Variants in NWD2 observed in about 807,000 individuals in gnomAD.
The protein encoded by NWD2 is NACHT and WD repeat domain containing 2.
In NWD2, 37 loss-of-function variants were observed where a neutral mutation model predicts 132.7. The observed-to-expected ratio is 0.28, with a 90% CI of 0.21 to 0.37. The LOEUF is 0.37. Among genes scored for constraint, NWD2 ranks in the 10% least tolerant of loss-of-function variants. The pLI is 1.00. For missense variants in NWD2, 1,592 were observed against 2,122.4 expected, an observed-to-expected ratio of 0.75 and a Z score of 4.91; for synonymous variants, 705 against 803.0, an observed-to-expected ratio of 0.88 and a Z score of 2.06.
Position 37,447,394 on chromosome 4 carries a change from T to C in NWD2, c.*177T>C. 1 of 591,548 alleles carries C rather than the reference T, an allele frequency of 1.7e-6. No individual in the cohort carries two copies. Among genetic ancestry groups the C allele is most frequent in the Non-Finnish European group, 3.0e-6 (1 of 336,606 alleles). 36.6% of individuals were successfully genotyped at this position (591,548 alleles called of 1,614,324 possible). ...GTTAGTCTTGGGTGTGGTCTTTTTG[T>C]CAAAGTGTATCCAGAATGTCAGAAT... On this transcript the variant is annotated 3_prime_UTR_variant, in exon 7 of 7. Coordinates refer to ENST00000309447, the MANE Select transcript of NWD2 (RefSeq NM_001144990.2).
intron 2 of NWD2, among the ~76,000 whole-genome samples, chr4:37,350,595 G>T (rs978945183): frequency 2.6e-5 from 4 of 152,150 alleles, no homozygotes; most frequent in African/African-American, 9.7e-5. Flanking sequence ...TGAGATGGTG[G>T]AGTTTTCTAA....
At chr4:37,308,777 C>G (rs1282433665) in intron 1 of NWD2, among the ~76,000 whole-genome samples, 4 of 152,098 alleles carry the variant, frequency 2.6e-5, no homozygotes, top group Admixed American at 2.0e-4. Flanking sequence ...AGCCTTGACA[C>G]TGGAGTAGGC....
At chr4:37,430,805 T>A in intron 4 of NWD2, 30 bp downstream of exon 4, 1 of 1,517,134 alleles carries the variant, frequency 6.6e-7, no homozygotes, top group Non-Finnish European at 9.0e-7. Context: ...AGCCTATGGA[T>A]CTGTCCATTA....
chr4:37,369,733 G>A (rs1458233579), intron 3 of NWD2, among the ~76,000 whole-genome samples: 2 of 152,100 alleles, frequency 1.3e-5, no homozygotes, highest in Non-Finnish European at 2.9e-5. Context: ...GTAGAGGGGG[G>A]GTCAAAGTAG....
chr4:37,430,812 A>C, intron 4 of NWD2, 37 bp downstream of exon 4: 1 of 1,505,304 alleles, frequency 6.6e-7, no homozygotes, highest in Non-Finnish European at 9.0e-7. Context: ...GGATCTGTCC[A>C]TTACTACATT....
intron 1 of NWD2, among the ~76,000 whole-genome samples, chr4:37,288,899 G>T (rs1007904089): frequency 6.6e-6 from 1 of 151,936 alleles, no homozygotes; most frequent in Non-Finnish European, 1.5e-5. Flanking sequence ...GGATGAATCG[G>T]TTATTATTTA....
At chr4:37,313,242 T>A (rs1030721279) in intron 1 of NWD2, among the ~76,000 whole-genome samples, 3 of 151,174 alleles carry the variant, frequency 2.0e-5, no homozygotes, top group Admixed American at 1.3e-4. Context: ...AATTCGGCTG[T>A]GAATCCATCT....
intron 1 of NWD2, among the ~76,000 whole-genome samples, chr4:37,290,039 T>G (rs1656181): frequency 0.052 from 7,891 of 152,256 alleles, 672 homozygotes; most frequent in African/African-American, 0.18. Context: ...CCCTTTTGCC[T>G]AACAATCCAG....
chr4:37,335,299 G>GC (rs1719380059), intron 2 of NWD2, among the ~76,000 whole-genome samples: 1 of 47,618 alleles, frequency 2.1e-5, no homozygotes, highest in African/African-American at 5.4e-5. Context: ...TGGGGGGTGG[G>GC]CGGGGGGGGG....
At chr4:37,438,360 T>A (rs1380100741) in intron 5 of NWD2, among the ~76,000 whole-genome samples, 1 of 152,194 alleles carries the variant, frequency 6.6e-6, no homozygotes, top group Non-Finnish European at 1.5e-5. Flanking sequence ...TGAGGTCACT[T>A]TGTTAAGGAA....
chr4:37,354,396 T>C (rs1457317376), intron 2 of NWD2, among the ~76,000 whole-genome samples: 1 of 152,196 alleles, frequency 6.6e-6, no homozygotes, highest in Non-Finnish European at 1.5e-5. Flanking sequence ...CACTGCTCTC[T>C]TCAGAGCCGA....
At chr4:37,414,642 T>C (rs895451362) in intron 3 of NWD2, among the ~76,000 whole-genome samples, 1 of 152,134 alleles carries the variant, frequency 6.6e-6, no homozygotes, top group Non-Finnish European at 1.5e-5. Flanking sequence ...CCAGATCTTA[T>C]CTAGTAAAGG....
chr4:37,329,535 G>C, intron 2 of NWD2, among the ~76,000 whole-genome samples: 1 of 152,016 alleles, frequency 6.6e-6, no homozygotes, highest in East Asian at 1.9e-4. Context: ...AAGGGTCTGA[G>C]GTAGAAGTGT....
intron 1 of NWD2, among the ~76,000 whole-genome samples, chr4:37,274,806 T>C (rs1425460005): frequency 6.6e-6 from 1 of 151,930 alleles, no homozygotes; most frequent in Non-Finnish European, 1.5e-5. Flanking sequence ...TAATCCAACA[T>C]ATAAACAGAA....
chr4:37,348,911 C>A (rs1577675848), intron 2 of NWD2, among the ~76,000 whole-genome samples: 1 of 151,698 alleles, frequency 6.6e-6, no homozygotes, highest in East Asian at 2.0e-4. Context: ...TAAACTCCCA[C>A]TTATGAGTGA....
At chr4:37,295,541 C>T (rs113856499) in intron 1 of NWD2, among the ~76,000 whole-genome samples, 159 of 152,302 alleles carry the variant, frequency 1.0e-3, no homozygotes, top group African/African-American at 3.4e-3. Context: ...AGCCTTGATT[C>T]TGTCTGTCTT....
chr4:37,424,768 CT>C (rs1711946050), intron 3 of NWD2, among the ~76,000 whole-genome samples: 2 of 152,182 alleles, frequency 1.3e-5, no homozygotes, highest in Non-Finnish European at 2.9e-5. Context: ...CTATCCTCAC[CT>C]GTCTTTCCTG....
At chr4:37,369,222 A>G (rs1027697810) in intron 3 of NWD2, among the ~76,000 whole-genome samples, 2 of 152,216 alleles carry the variant, frequency 1.3e-5, no homozygotes. Context: ...TAAAATATGT[A>G]TTAATCAGAC....
intron 1 of NWD2, among the ~76,000 whole-genome samples, chr4:37,319,721 G>T (rs544339702): frequency 6.6e-5 from 10 of 152,210 alleles, no homozygotes; most frequent in African/African-American, 2.4e-4. Context: ...ACCATTTATT[G>T]AATAGGGGGT....
Sources: gnomAD v4.1 joint callset for allele counts (sites outside exome capture counted in the v4.1 genomes callset) on GRCh38, gnomAD v4.1.1 for gene constraint, MANE v1.5 for transcripts, NCBI Gene and HGNC (gene_info 2026-07-23, HGNC 2026-07-21) for gene names.